Variants in CLEC2A observed in about 807,000 individuals in gnomAD.
CLEC2A encodes C-type lectin domain family 2 member A.
Under a neutral mutation model 18.6 loss-of-function variants are expected in CLEC2A, and 19 were observed. That is an observed-to-expected ratio of 1.02 (90% confidence interval 0.71 to 1.50). The LOEUF (loss-of-function observed/expected upper bound fraction) is 1.50, where lower values mean the gene tolerates loss of function less well. Ranked by LOEUF, CLEC2A falls within the 40% of genes most tolerant of loss-of-function variation. The pLI, the probability that CLEC2A is intolerant of heterozygous loss-of-function variation, is 0.00. For synonymous variants in CLEC2A, 74 were observed against 64.0 expected, an observed-to-expected ratio of 1.16 and a Z score of -0.75; for missense variants, 190 against 207.9, an observed-to-expected ratio of 0.91 and a Z score of 0.53.
the CLEC2A span, chr12:9,881,638 CGTT>C: frequency 2.5e-4 from 385 of 1,535,194 alleles, no homozygotes; most frequent in Non-Finnish European, 3.1e-4. Flanking sequence ...TTTCAAGAAT[CGTT>C]GTAAATCGAA....
At chr12:9,918,170 G>C (rs998074330) in intron 3 of CLEC2A, among the ~76,000 whole-genome samples, 4 of 151,772 alleles carry the variant, frequency 2.6e-5, no homozygotes, top group African/African-American at 9.7e-5. Context: ...CATGAAATTT[G>C]CCTGTTTCAA....
intron 4 of CLEC2A, among the ~76,000 whole-genome samples, chr12:9,905,440 G>C (rs762136841): frequency 6.6e-6 from 1 of 152,220 alleles, no homozygotes; most frequent in South Asian, 2.1e-4. Context: ...GACAGTCCAC[G>C]TACATAGCTT....
In CLEC2A at chr12:9,906,871, C is replaced by T. The variant is rs149395331; in HGVS notation, c.411-7895G>A. On this transcript the variant is annotated intron_variant, in intron 4 of 4. Transcript: ENST00000339766. ...TGTGTTCTCTTTTTAGGTTTGGATA[C>T]CCTGTTAAGAAACCTGCTGGGTTGA... 2.2e-3 allele frequency among the ~76,000 whole-genome samples: 336 copies of T among 152,284 alleles called. 1 individual carries two copies. The highest frequency in any genetic ancestry group is 3.9e-3 in the Non-Finnish European group (265 of 68,010).
At chr12:9,932,148 G>A (rs1863385594) in intron 1 of CLEC2A, 127 bp downstream of exon 1, 1 of 670,834 alleles carries the variant, frequency 1.5e-6, no homozygotes, top group South Asian at 1.8e-5. Context: ...TTCTCCGGAA[G>A]TGCTTCCCCA....
At chr12:9,927,719 G>T (rs1863299530) in intron 1 of CLEC2A, among the ~76,000 whole-genome samples, 1 of 152,186 alleles carries the variant, frequency 6.6e-6, no homozygotes, top group Non-Finnish European at 1.5e-5. Flanking sequence ...AGACTGGATT[G>T]AGAGAAGCCA....
the CLEC2A span, among the ~76,000 whole-genome samples, chr12:9,885,953 T>C: frequency 6.6e-6 from 1 of 152,124 alleles, no homozygotes; most frequent in African/African-American, 2.4e-5. Context: ...TTTAAAAATG[T>C]TCCTAAAATT....
intron 3 of CLEC2A, among the ~76,000 whole-genome samples, chr12:9,919,524 T>C (rs1027719502): frequency 6.6e-5 from 10 of 152,196 alleles, no homozygotes; most frequent in Admixed American, 6.5e-4. Flanking sequence ...GCAGAGGCAG[T>C]GGCAGAGAGG....
chr12:9,894,471 C>T (rs1335083202), downstream of CLEC2A, among the ~76,000 whole-genome samples: 1 of 152,100 alleles, frequency 6.6e-6, no homozygotes, highest in East Asian at 1.9e-4. Context: ...TGTGAGCCAC[C>T]ACTCCCAGCC....
chr12:9,884,999 T>A, the CLEC2A span: 1 of 1,328,694 alleles, frequency 7.5e-7, no homozygotes, highest in Non-Finnish European at 9.7e-7. Context: ...GATCCTTATA[T>A]TCATTATGAC....
downstream of CLEC2A, among the ~76,000 whole-genome samples, chr12:9,893,843 A>C (rs574799576): frequency 6.6e-6 from 1 of 152,120 alleles, no homozygotes; most frequent in African/African-American, 2.4e-5. Flanking sequence ...AGCTGATTTA[A>C]ATCTCATTTG....
At chr12:9,920,864 G>T (rs180993824) in intron 3 of CLEC2A, among the ~76,000 whole-genome samples, 75 of 152,178 alleles carry the variant, frequency 4.9e-4, no homozygotes, top group Non-Finnish European at 2.1e-4. Context: ...TAAATTCTAA[G>T]AGCTGTATTT....
chr12:9,888,665 T>C, the CLEC2A span: 1 of 878,900 alleles, frequency 1.1e-6, no homozygotes, highest in African/African-American at 1.6e-5. Context: ...TGGTACTTTA[T>C]TCTCATGTAC....
chr12:9,910,261 A>G (rs1278390462), downstream of CLEC2A, among the ~76,000 whole-genome samples: 1 of 152,188 alleles, frequency 6.6e-6, no homozygotes, highest in Non-Finnish European at 1.5e-5. Flanking sequence ...CTAGGCAACT[A>G]TCAGGAGGAA....
chr12:9,892,119 T>A, the CLEC2A span, among the ~76,000 whole-genome samples: 1 of 152,218 alleles, frequency 6.6e-6, no homozygotes, highest in Admixed American at 6.5e-5. Context: ...AGCAAATGTA[T>A]CAATTATGAT....
At chr12:9,916,378 G>C (rs557098772) in intron 4 of CLEC2A, among the ~76,000 whole-genome samples, 1 of 152,016 alleles carries the variant, frequency 6.6e-6, no homozygotes, top group Admixed American at 6.6e-5. Context: ...GTGAGTTTTG[G>C]CTTAAAATTT....
chr12:9,925,015 G>A (rs1044366315), intron 2 of CLEC2A, among the ~76,000 whole-genome samples: 3 of 152,182 alleles, frequency 2.0e-5, no homozygotes, highest in South Asian at 2.1e-4. Flanking sequence ...TTATCTTTCC[G>A]GTCACTTTTC....
intron 4 of CLEC2A, among the ~76,000 whole-genome samples, chr12:9,904,928 G>A (rs1054728656): frequency 6.6e-6 from 1 of 152,208 alleles, no homozygotes; most frequent in East Asian, 1.9e-4. Context: ...ACTTTTTAAG[G>A]CTCCATACTT....
chr12:9,911,514 A>C (rs1255884942), downstream of CLEC2A, among the ~76,000 whole-genome samples: 1 of 152,240 alleles, frequency 6.6e-6, no homozygotes, highest in African/African-American at 2.4e-5. Context: ...TATAACCTTA[A>C]AACATTTAGC....
chr12:9,884,337 A>G, the CLEC2A span, among the ~76,000 whole-genome samples: 1 of 151,858 alleles, frequency 6.6e-6, no homozygotes, highest in African/African-American at 2.4e-5. Flanking sequence ...GCTGAAACTG[A>G]CTCCTGTCTA....
Sources: gnomAD v4.1 joint callset for allele counts (sites outside exome capture counted in the v4.1 genomes callset) on GRCh38, gnomAD v4.1.1 for gene constraint, MANE v1.5 for transcripts, NCBI Gene and HGNC (gene_info 2026-07-23, HGNC 2026-07-21) for gene names.